Variants in INPP4B observed in about 807,000 individuals in gnomAD.
The protein encoded by INPP4B is inositol polyphosphate 4-phosphatase type II.
A neutral mutation model predicts 122.5 loss-of-function variants in INPP4B; 55 were observed. That is an observed-to-expected ratio of 0.45 (90% CI 0.36 to 0.56). INPP4B has a LOEUF of 0.56. INPP4B is among the 20% of genes least tolerant of loss of function. The pLI is 0.00. For missense variants in INPP4B, 1,000 were observed against 1,097.7 expected (o/e 0.91, Z 1.26); for synonymous variants, 403 against 388.7 (o/e 1.04, Z -0.43).
intron 10 of INPP4B, among the ~76,000 whole-genome samples, chr4:142,268,348 G>GAAAAAAAAAAAAAAAAAAAAA (rs1383781390): frequency 9.0e-4 from 24 of 26,760 alleles, no homozygotes; most frequent in Middle Eastern, 0.023. Context: ...AAAAAAAAAT[G>GAAAAAAAAAAAAAAAAAAAAA]AGGGGTAAGT....
intron 23 of INPP4B, among the ~76,000 whole-genome samples, chr4:142,096,396 T>A (rs1345038457): frequency 6.6e-6 from 1 of 152,184 alleles, no homozygotes; most frequent in African/African-American, 2.4e-5. Context: ...ACATAGATAG[T>A]AACATAGATC....
chr4:142,275,001 C>T (rs1579556131), intron 9 of INPP4B, among the ~76,000 whole-genome samples: 1 of 151,790 alleles, frequency 6.6e-6, no homozygotes, highest in Non-Finnish European at 1.5e-5. Context: ...CACAAATCTA[C>T]ACTCCCTTCT....
intron 11 of INPP4B, among the ~76,000 whole-genome samples, chr4:142,248,338 T>G (rs1256053272): frequency 7.2e-6 from 1 of 139,338 alleles, no homozygotes; most frequent in Non-Finnish European, 1.6e-5. Context: ...CTCTCTCTCT[T>G]TTTTTTTTTT....
At chr4:142,601,677 T>TAGCAAAAG (rs1739964656) in intron 2 of INPP4B, among the ~76,000 whole-genome samples, 3 of 151,538 alleles carry the variant, frequency 2.0e-5, no homozygotes, top group Admixed American at 6.6e-5. Context: ...AATTCCAAAT[T>TAGCAAAAG]AGCAAAAGAT....
rs569951044 is a variant in INPP4B at position 142,099,867 on chromosome 4, C to T, written c.2374+8226G>A. On this transcript the variant is annotated intron_variant, in intron 23 of 25. Transcript: ENST00000262992. Reference sequence around the variant, plus strand: ...CTGGGAAATTTCATCTTCTTTTACACTCATGTCCAGAGTACAATGCAGTGC... The same window carrying T: ...CTGGGAAATTTCATCTTCTTTTACATTCATGTCCAGAGTACAATGCAGTGC... 4.6e-4 allele frequency among the ~76,000 whole-genome samples: 70 copies of T among 152,222 alleles called. 1 individual carries two copies. In the South Asian group the frequency reaches 0.013, roughly 28 times the overall value.
intron 9 of INPP4B, among the ~76,000 whole-genome samples, chr4:142,289,979 G>C (rs1444809344): frequency 6.6e-6 from 1 of 151,930 alleles, no homozygotes; most frequent in African/African-American, 2.4e-5. Flanking sequence ...CTCCTCCCTT[G>C]AATTAAGACA....
At chr4:142,386,410 A>T (rs1795980066) in intron 7 of INPP4B, among the ~76,000 whole-genome samples, 1 of 152,182 alleles carries the variant, frequency 6.6e-6, no homozygotes, top group African/African-American at 2.4e-5. Flanking sequence ...ATTATTAAAG[A>T]AAACTAAATA....
Position 142,431,348 on chromosome 4 carries a change from A to T in INPP4B, c.-89T>A. 1 of 880,532 alleles carries T rather than the reference A, an allele frequency of 1.1e-6. No homozygotes were observed. The highest frequency in any genetic ancestry group is 2.2e-4 in the Middle Eastern group (1 of 4,576). The allele number at this position is 880,532 out of a possible 1,614,324, so 54.5% of individuals were successfully genotyped here. ...CCTGGTTTAATGTAGATGTATCTTCACACTAAAGATCTGATATCCCACTCT... is the reference window on the plus strand; with the variant it reads ...CCTGGTTTAATGTAGATGTATCTTCTCACTAAAGATCTGATATCCCACTCT... On this transcript the variant is annotated 5_prime_UTR_variant, in exon 4 of 26. Coordinates refer to ENST00000262992, the MANE Select transcript of INPP4B (RefSeq NM_001101669.3).
At chr4:142,692,408 G>T (rs1482159917) in intron 2 of INPP4B, among the ~76,000 whole-genome samples, 1 of 152,118 alleles carries the variant, frequency 6.6e-6, no homozygotes, top group Non-Finnish European at 1.5e-5. Flanking sequence ...CAGATTAAAG[G>T]TATCAAATTG....
rs147650559 is a variant in INPP4B at position 142,260,045 on chromosome 4, C to T, written c.688+447G>A. 1.1e-3 allele frequency among the ~76,000 whole-genome samples: 164 copies of T among 152,248 alleles called. 4 individuals are homozygous for T. The East Asian group carries it at 0.029, about 27-fold the overall frequency. The stretch of plus-strand genomic sequence containing the variant: ...CTGTCTCCAAGCTGGAGTGCAGTGG[C>T]GCGATCTCGGCTCCCTGCAACCTCC... On this transcript the variant is annotated intron_variant, in intron 11 of 25. Coordinates refer to ENST00000262992, the MANE Select transcript of INPP4B (RefSeq NM_001101669.3).
chr4:142,582,142 A>C (rs1580423261), intron 2 of INPP4B, among the ~76,000 whole-genome samples: 1 of 151,402 alleles, frequency 6.6e-6, no homozygotes, highest in Non-Finnish European at 1.5e-5. Flanking sequence ...GGTCTTGAAC[A>C]CCTTCTCCAC....
At chr4:142,299,921 T>C (rs912667109) in intron 9 of INPP4B, among the ~76,000 whole-genome samples, 2 of 152,260 alleles carry the variant, frequency 1.3e-5, no homozygotes, top group African/African-American at 4.8e-5. Context: ...TAAGTAGATA[T>C]TGATAGGAAA....
intron 1 of INPP4B, among the ~76,000 whole-genome samples, chr4:142,806,849 A>T (rs556614100): frequency 4.0e-5 from 6 of 149,926 alleles, no homozygotes; most frequent in Admixed American, 4.0e-4. Context: ...GAAAGAAAGA[A>T]AGGAGAAGAA....
chr4:142,765,098 T>C (rs1324030117), intron 1 of INPP4B, among the ~76,000 whole-genome samples: 3 of 152,132 alleles, frequency 2.0e-5, no homozygotes, highest in Admixed American at 6.6e-5. Context: ...TGAGAGATCA[T>C]GATGCTGCAC....
At chr4:142,797,599 A>AT (rs1777436548) in intron 1 of INPP4B, among the ~76,000 whole-genome samples, 1 of 151,898 alleles carries the variant, frequency 6.6e-6, no homozygotes, top group African/African-American at 2.4e-5. Flanking sequence ...ATCTAGACAA[A>AT]TTTTCATGAC....
intron 1 of INPP4B, among the ~76,000 whole-genome samples, chr4:142,746,358 C>T (rs1768748973): frequency 6.6e-6 from 1 of 151,674 alleles, no homozygotes; most frequent in Admixed American, 6.6e-5. Context: ...AACCACTGCT[C>T]AAAGAAAAAA....
Position 142,575,024 on chromosome 4 carries a change from C to T in INPP4B, c.-190-112298G>A, listed in dbSNP as rs1309066331. Among the ~76,000 whole-genome samples, 4 of 152,132 alleles carry T rather than the reference C, an allele frequency of 2.6e-5. No individual in the cohort carries two copies. In the South Asian group the frequency reaches 6.2e-4, roughly 24 times the overall value. On this transcript the variant is annotated intron_variant, in intron 2 of 25. Transcript: ENST00000262992. ...AACATTTCGCTAGCACTGAGAGTCT[C>T]GAGCTATCCAACAAGAGCACTGTGA...
In INPP4B at chr4:142,028,821, G is replaced by A. The variant is rs1737880137; in HGVS notation, c.2736C>T (p.Tyr912=). 3.7e-6 allele frequency: 6 copies of A among 1,613,488 alleles called. No individual in the cohort carries two copies. The highest frequency in any genetic ancestry group is 5.1e-6 in the Non-Finnish European group (6 of 1,179,632). ...TTCCATAAGTCCCCTCTGGAGGTCT[G>A]TAGTACTTGGGGAAAGCCATCAGCT... ...MLQLMAFPKY[Y]RPPEGTYGKA... Residue 912 remains tyrosine (Y), a synonymous_variant, in exon 26 of 26, where the codon TAC becomes TAT. Transcript: ENST00000262992.
chr4:142,738,522 G>C (rs956525824), intron 1 of INPP4B, among the ~76,000 whole-genome samples: 2 of 151,972 alleles, frequency 1.3e-5, no homozygotes, highest in Non-Finnish European at 2.9e-5. Flanking sequence ...TGACGAGTTA[G>C]TGGGTGCAGC....
Sources: gnomAD v4.1 joint callset for allele counts (sites outside exome capture counted in the v4.1 genomes callset) on GRCh38, gnomAD v4.1.1 for gene constraint, MANE v1.5 for transcripts, NCBI Gene and HGNC (gene_info 2026-07-23, HGNC 2026-07-21) for gene names.